IFIH1: variants seen among roughly 807,000 people sequenced by gnomAD.
IFIH1 encodes interferon-induced helicase C domain-containing protein 1.
In IFIH1, 125 loss-of-function variants were observed where a neutral mutation model predicts 107.4. The observed-to-expected ratio is 1.16, with a 90% CI of 1.01 to 1.35. The LOEUF (loss-of-function observed/expected upper bound fraction) is 1.35, where lower values mean the gene tolerates loss of function less well. Among genes scored for constraint, IFIH1 ranks in the 40% most tolerant of loss-of-function variants. The pLI is 0.00. For synonymous variants in IFIH1, 458 were observed against 413.2 expected, an observed-to-expected ratio of 1.11 and a Z score of -1.31; for missense variants, 1,333 against 1,213.7, an observed-to-expected ratio of 1.10 and a Z score of -1.46.
intron 1 of IFIH1, among the ~76,000 whole-genome samples, chr2:162,315,024 G>A (rs1177468002): frequency 6.6e-6 from 1 of 152,030 alleles, no homozygotes; most frequent in African/African-American, 2.4e-5. Context: ...CTGTAATTAC[G>A]GGCAGGGGCT....
chr2:162,281,175 A>G lies in IFIH1; in HGVS notation c.1524+153T>C, dbSNP rs113687002. Among the ~76,000 whole-genome samples, 3,334 of 152,134 alleles carry G rather than the reference A, an allele frequency of 0.022. 121 individuals are homozygous for G. The highest frequency in any genetic ancestry group is 0.076 in the African/African-American group (3,149 of 41,530). On this transcript the variant is annotated intron_variant, in intron 7 of 15. Transcript: ENST00000649979. ...TTATTAAGGCATATTAGTATTCTGTAGAAGACTGAGTATATTTATTGTACT... is the reference window on the plus strand; with the variant it reads ...TTATTAAGGCATATTAGTATTCTGTGGAAGACTGAGTATATTTATTGTACT...
intron 8 of IFIH1, among the ~76,000 whole-genome samples, chr2:162,279,656 G>A (rs2105199982): frequency 6.6e-6 from 1 of 152,028 alleles, no homozygotes; most frequent in Non-Finnish European, 1.5e-5. Context: ...ATCAATCCTG[G>A]AATTCACGAA....
chr2:162,275,714 G>A (rs903417396), intron 11 of IFIH1, among the ~76,000 whole-genome samples: 3 of 152,150 alleles, frequency 2.0e-5, no homozygotes, highest in African/African-American at 7.2e-5. Flanking sequence ...AAGACTCAGG[G>A]TCAATGTGAT....
chr2:162,277,055 TA>T (rs1439766697), intron 10 of IFIH1, 109 bp from the exon 11 acceptor site: 5 of 740,382 alleles, frequency 6.8e-6, no homozygotes, highest in Non-Finnish European at 1.0e-5. Context: ...TTTTATTGAT[TA>T]AAAATTAATT....
intron 2 of IFIH1, among the ~76,000 whole-genome samples, chr2:162,309,974 C>G (rs1683361762): frequency 6.6e-6 from 1 of 152,092 alleles, no homozygotes; most frequent in African/African-American, 2.4e-5. Flanking sequence ...GTGACCTCAC[C>G]AGAATCACCC....
rs374396452 is a variant in IFIH1, at chr2:162,280,028, T to C, written c.1609A>G (p.Lys537Glu). 2.7e-5 allele frequency: 44 copies of C among 1,609,690 alleles called. No individual in the cohort carries two copies. The highest frequency in any genetic ancestry group is 3.7e-5 in the Non-Finnish European group (43 of 1,176,546). The change falls in exon 8 of 16, where the codon AAG (lysine) becomes GAG (glutamate). Residue 537 changes from lysine (K) to glutamate (E), a missense_variant. Lys to Glu is a moderately conservative substitution (Grantham distance 56, BLOSUM62 1). Transcript: ENST00000649979. Reference protein sequence around the residue: ...QLKNQIQEPCKKFAIADATRE... With the variant: ...QLKNQIQEPCEKFAIADATRE... ...GTTGCATCTGCAATGGCAAACTTCTTGCATGGCTCCTGTATTTGGTTTTTC... is the reference window on the plus strand; with the variant it reads ...GTTGCATCTGCAATGGCAAACTTCTCGCATGGCTCCTGTATTTGGTTTTTC...
chr2:162,281,974 T>C (rs1682817880), intron 6 of IFIH1, among the ~76,000 whole-genome samples: 2 of 152,032 alleles, frequency 1.3e-5, no homozygotes, highest in South Asian at 4.1e-4. Context: ...TGTTTTAACA[T>C]TGCATTTAGT....
At chr2:162,301,243 A>T (rs1300603768) in intron 3 of IFIH1, among the ~76,000 whole-genome samples, 2 of 152,210 alleles carry the variant, frequency 1.3e-5, no homozygotes, top group Non-Finnish European at 2.9e-5. Context: ...GAACGAATAT[A>T]TAAATCAAAA....
intron 5 of IFIH1, among the ~76,000 whole-genome samples, chr2:162,287,213 CT>C (rs1682910332): frequency 6.6e-6 from 1 of 151,500 alleles, no homozygotes; most frequent in Non-Finnish European, 1.5e-5. Flanking sequence ...ATTCTAAGTA[CT>C]GAAAAACAGG....
chr2:162,314,585 T>C (rs571241394), intron 1 of IFIH1, among the ~76,000 whole-genome samples: 22 of 151,818 alleles, frequency 1.4e-4, no homozygotes, highest in African/African-American at 5.3e-4. Context: ...CCTCCCAGGT[T>C]CATGCCATTC....
chr2:162,305,129 A>G (rs1158322095), intron 3 of IFIH1, among the ~76,000 whole-genome samples: 1 of 152,204 alleles, frequency 6.6e-6, no homozygotes, highest in East Asian at 1.9e-4. Flanking sequence ...GACACTATAT[A>G]TACACATTCA....
At chr2:162,302,187 C>T (rs1683204933) in intron 3 of IFIH1, among the ~76,000 whole-genome samples, 1 of 151,964 alleles carries the variant, frequency 6.6e-6, no homozygotes. Context: ...TGTGTCTTAT[C>T]CATCAGATGT....
chr2:162,284,619 A>G (rs544435704), intron 5 of IFIH1, among the ~76,000 whole-genome samples: 77 of 152,112 alleles, frequency 5.1e-4, no homozygotes, highest in African/African-American at 1.8e-3. Flanking sequence ...TGAATTGCCA[A>G]TTAAAGTCTT....
Position 162,277,408 on chromosome 2 carries a change from A to C in IFIH1, c.2044+7T>G. ...ATGACACCAGTATATGTTACTTTGA[A>C]TCTTACCAAAAAATAAAGTCATGAG... is the stretch of plus-strand genomic sequence containing the variant. On this transcript the variant is annotated splice_region_variant and intron_variant, in intron 10 of 15. Coordinates refer to ENST00000649979, the MANE Select transcript of IFIH1 (RefSeq NM_022168.4). 1 of 1,598,896 alleles carries C rather than the reference A, an allele frequency of 6.3e-7. No individual in the cohort carries two copies. Among genetic ancestry groups the C allele is most frequent in the Admixed American group, 1.7e-5 (1 of 59,452 alleles).
chr2:162,275,073 A>C (rs967124167), intron 11 of IFIH1, among the ~76,000 whole-genome samples: 1 of 152,190 alleles, frequency 6.6e-6, no homozygotes, highest in Non-Finnish European at 1.5e-5. Flanking sequence ...TGAAGGAGTA[A>C]CTTTAATAAC....
intron 13 of IFIH1, among the ~76,000 whole-genome samples, chr2:162,269,273 C>T (rs1380044062): frequency 2.0e-5 from 3 of 152,154 alleles, no homozygotes; most frequent in African/African-American, 4.8e-5. Flanking sequence ...GTGTACCTTT[C>T]GCCCTTTCCA....
In IFIH1 at chr2:162,277,763, G is replaced by A. The variant is rs946572954; in HGVS notation, c.1766-70C>T. 3 of 1,501,034 alleles carry A rather than the reference G, an allele frequency of 2.0e-6. No individual in the cohort carries two copies. In the African/African-American group the frequency reaches 4.2e-5, roughly 21 times the overall value. The allele number at this position is 1,501,034 out of a possible 1,614,324, so 93.0% of individuals were successfully genotyped here. On this transcript the variant is annotated intron_variant, in intron 9 of 15. Transcript: ENST00000649979. ...CCCCCTAAAATTGTGCCATGGACTT[G>A]AATATATGTTACTAACTGCAAAACT... is the stretch of plus-strand genomic sequence containing the variant.
intron 3 of IFIH1, among the ~76,000 whole-genome samples, chr2:162,303,492 C>T (rs1391034591): frequency 1.3e-5 from 2 of 152,086 alleles, no homozygotes; most frequent in Non-Finnish European, 2.9e-5. Context: ...GGCCATGAAG[C>T]CATTTCTGTT....
chr2:162,283,765 G>T (rs1287675461), intron 5 of IFIH1, among the ~76,000 whole-genome samples: 2 of 151,934 alleles, frequency 1.3e-5, no homozygotes, highest in Non-Finnish European at 2.9e-5. Flanking sequence ...GAAGAACACT[G>T]GTTTACTTTA....
Sources: allele counts gnomAD v4.1 joint callset (sites outside exome capture counted in the v4.1 genomes callset), GRCh38; gene constraint gnomAD v4.1.1; transcripts MANE v1.5; gene names NCBI Gene and HGNC (gene_info 2026-07-23, HGNC 2026-07-21).